Variants in ADAMTS3 observed in about 807,000 individuals in gnomAD.
ADAMTS3 encodes the protein ADAM metallopeptidase with thrombospondin type 1 motif 3.
A neutral mutation model predicts 129.0 loss-of-function variants in ADAMTS3; 73 were observed. The ratio of observed to expected loss-of-function variants is 0.57; its 90% CI spans 0.47 to 0.69. The LOEUF is 0.69. Among genes scored for constraint, ADAMTS3 ranks in the 30% least tolerant of loss-of-function variants. The probability of loss-of-function intolerance (pLI) is 0.00; values close to 1 mark genes in which losing one functional copy is unlikely to be tolerated. For missense variants in ADAMTS3, 1,457 were observed against 1,514.5 expected (o/e 0.96, Z 0.63); for synonymous variants, 477 against 510.8 (o/e 0.93, Z 0.89).
chr4:72,473,173 G>A (rs1038954803), intron 3 of ADAMTS3, among the ~76,000 whole-genome samples: 3 of 151,908 alleles, frequency 2.0e-5, no homozygotes, highest in East Asian at 3.9e-4. Flanking sequence ...ATCAGAAGTC[G>A]ACATACTTCT....
At chr4:72,382,809 A>G (rs1240353192) in intron 4 of ADAMTS3, among the ~76,000 whole-genome samples, 1 of 152,196 alleles carries the variant, frequency 6.6e-6, no homozygotes, top group African/African-American at 2.4e-5. Flanking sequence ...GTTCTCACTT[A>G]TACATGGGAG....
intron 4 of ADAMTS3, 119 bp downstream of exon 4, chr4:72,414,696 T>C (rs1722260961): frequency 2.6e-6 from 2 of 762,904 alleles, no homozygotes; most frequent in South Asian, 1.1e-4. Flanking sequence ...TAAACTTCTT[T>C]TTCTATCTCC....
chr4:72,356,128 T>TGAACAAATCAGC (rs1376996778), intron 4 of ADAMTS3, among the ~76,000 whole-genome samples: 3 of 151,960 alleles, frequency 2.0e-5, no homozygotes, highest in Non-Finnish European at 4.4e-5. Context: ...AACAAATGAG[T>TGAACAAATCAGC]GAACAAATCA....
chr4:72,569,126 T>C lies in ADAMTS3; in HGVS notation c.-364A>G, dbSNP rs887016103. On this transcript the variant is annotated 5_prime_UTR_variant, in exon 1 of 22. Transcript: ENST00000286657. ...TTCGAGGCTTTTCGAGCACCATTGG[T>C]CCCTAAGGTTAGCGCGGAGAATGCT... is the stretch of plus-strand genomic sequence containing the variant. 1.1e-5 allele frequency: 3 copies of C among 264,356 alleles called. No homozygotes were observed. Among genetic ancestry groups the C allele is most frequent in the African/African-American group, 6.6e-5 (3 of 45,354 alleles). 16.4% of individuals were successfully genotyped at this position (264,356 alleles called of 1,614,324 possible). A position where few individuals can be genotyped will look rare whatever the true frequency, so the allele number is the denominator to read the frequency against.
At chr4:72,284,444 CAA>C (rs11292771) in intron 21 of ADAMTS3, among the ~76,000 whole-genome samples, 320 of 123,548 alleles carry the variant, frequency 2.6e-3, no homozygotes, top group Admixed American at 3.7e-3. Context: ...GACTCTGTCT[CAA>C]AAAAAAAAAA....
chr4:72,479,002 C>A (rs1342172756), intron 3 of ADAMTS3, among the ~76,000 whole-genome samples: 3 of 152,246 alleles, frequency 2.0e-5, no homozygotes, highest in Non-Finnish European at 4.4e-5. Context: ...TGAAGGACCT[C>A]CTCAAGGAGA....
chr4:72,502,331 A>T (rs528740655), intron 3 of ADAMTS3, among the ~76,000 whole-genome samples: 1 of 152,222 alleles, frequency 6.6e-6, no homozygotes, highest in South Asian at 2.1e-4. Flanking sequence ...TTTCTTCCTG[A>T]TTCAATCTTG....
chr4:72,520,280 G>A (rs1219320862), intron 3 of ADAMTS3, among the ~76,000 whole-genome samples: 2 of 151,816 alleles, frequency 1.3e-5, no homozygotes, highest in Non-Finnish European at 2.9e-5. Flanking sequence ...GGCTGCTCGG[G>A]GGTCAGGGGT....
At chr4:72,388,311 T>C (rs1245123105) in intron 4 of ADAMTS3, among the ~76,000 whole-genome samples, 1 of 152,194 alleles carries the variant, frequency 6.6e-6, no homozygotes, top group African/African-American at 2.4e-5. Flanking sequence ...TGGTCTATGA[T>C]AGGCCAGGAG....
At position 72,470,262 on chromosome 4, in the gene ADAMTS3, C is replaced by T. The variant is rs1296475633; in HGVS notation, c.505-55291G>A. ...GGGCAAAATGGCATAGCTACACTGA[C>T]ATGATTCCTCTATATCTCAGGCAGA... On this transcript the variant is annotated intron_variant, in intron 3 of 21. Coordinates refer to ENST00000286657, the MANE Select transcript of ADAMTS3 (RefSeq NM_014243.3). Among the ~76,000 whole-genome samples the T allele has an allele frequency of 4.0e-5, 6 of 151,778 alleles. No homozygotes were observed. The East Asian group carries it at 1.2e-3, about 30-fold the overall frequency.
intron 20 of ADAMTS3, among the ~76,000 whole-genome samples, chr4:72,289,558 C>T (rs1718605281): frequency 1.3e-5 from 2 of 152,160 alleles, no homozygotes; most frequent in South Asian, 4.1e-4. Flanking sequence ...TTATCATTAT[C>T]ATCCTATGTG....
At chr4:72,405,068 G>C (rs183147386) in intron 4 of ADAMTS3, among the ~76,000 whole-genome samples, 40 of 152,206 alleles carry the variant, frequency 2.6e-4, no homozygotes, top group African/African-American at 9.6e-4. Flanking sequence ...AGAGAAAAGG[G>C]AACACTTGCA....
chr4:72,319,007 A>G (rs1471178630), intron 9 of ADAMTS3, among the ~76,000 whole-genome samples: 1 of 152,194 alleles, frequency 6.6e-6, no homozygotes, highest in Non-Finnish European at 1.5e-5. Flanking sequence ...CCTATACTGT[A>G]GAGCACAGCT....
chr4:72,406,164 A>C (rs1411290516), intron 4 of ADAMTS3, among the ~76,000 whole-genome samples: 1 of 152,124 alleles, frequency 6.6e-6, no homozygotes, highest in Non-Finnish European at 1.5e-5. Flanking sequence ...TAGCAGTCCC[A>C]GCCATAACTC....
intron 3 of ADAMTS3, among the ~76,000 whole-genome samples, chr4:72,545,727 T>G (rs1471675290): frequency 6.6e-6 from 1 of 152,174 alleles, no homozygotes; most frequent in Non-Finnish European, 1.5e-5. Flanking sequence ...CAACACCTTC[T>G]GTGGACATCT....
intron 4 of ADAMTS3, among the ~76,000 whole-genome samples, chr4:72,380,671 T>C (rs10938017): frequency 6.6e-6 from 1 of 151,950 alleles, no homozygotes; most frequent in Non-Finnish European, 1.5e-5. Context: ...TAAGGAAATA[T>C]CGAATTTCTC....
intron 3 of ADAMTS3, among the ~76,000 whole-genome samples, chr4:72,433,144 C>T (rs146826686): frequency 2.0e-5 from 3 of 152,008 alleles, no homozygotes; most frequent in Non-Finnish European, 2.9e-5. Flanking sequence ...CCAAAACTAA[C>T]CCTGATCATG....
rs751893421 is a variant in ADAMTS3 at position 72,298,284 on chromosome 4, A to G, written c.2583T>C (p.Cys861=). The G allele has an allele frequency of 5.0e-6, 8 of 1,611,844 alleles. No individual in the cohort carries two copies. The highest frequency in any genetic ancestry group is 6.8e-6 in the Non-Finnish European group (8 of 1,178,734). ...LKSWSQCSKP[C]GGGFQYTKYG... ...AATGTGTTCAATGGTTACCTCCACCACAGGGTTTGGAACACTGAGACCAGC... is the reference window on the plus strand; with the variant it reads ...AATGTGTTCAATGGTTACCTCCACCGCAGGGTTTGGAACACTGAGACCAGC... Residue 861 remains cysteine (C), a synonymous_variant, in exon 18 of 22, where the codon TGT becomes TGC. Transcript: ENST00000286657.
chr4:72,507,065 G>A (rs1241154840), intron 3 of ADAMTS3, among the ~76,000 whole-genome samples: 1 of 152,220 alleles, frequency 6.6e-6, no homozygotes, highest in African/African-American at 2.4e-5. Context: ...AAAAGTGGCA[G>A]AGATTATCTA....
Sources: gnomAD v4.1 joint callset for allele counts (sites outside exome capture counted in the v4.1 genomes callset) on GRCh38, gnomAD v4.1.1 for gene constraint, MANE v1.5 for transcripts, NCBI Gene and HGNC (gene_info 2026-07-23, HGNC 2026-07-21) for gene names.